FANCI: variants seen among roughly 807,000 people sequenced by gnomAD.
FANCI encodes FA complementation group I, also known as Fanconi anemia group I protein.
A neutral mutation model predicts 176.1 loss-of-function variants in FANCI; 156 were observed. The ratio of observed to expected loss-of-function variants is 0.89; its 90% CI spans 0.78 to 1.01. The LOEUF (loss-of-function observed/expected upper bound fraction) is 1.01, where lower values mean the gene tolerates loss of function less well. FANCI is among the 50% of genes least tolerant of loss of function. The probability of loss-of-function intolerance (pLI) is 0.00; values close to 1 mark genes in which losing one functional copy is unlikely to be tolerated. For synonymous variants in FANCI, 613 were observed against 541.7 expected (o/e 1.13, Z -1.83); for missense variants, 1,678 against 1,534.1 (o/e 1.09, Z -1.57).
In FANCI at chr15:89,261,270, C is replaced by CA. The variant is rs200313839; in HGVS notation, c.289-306dup. 0.015 allele frequency among the ~76,000 whole-genome samples: 2,276 copies of CA among 149,256 alleles called. 62 individuals are homozygous for CA. The highest frequency in any genetic ancestry group is 0.053 in the African/African-American group (2,175 of 40,660). Reference sequence around the variant, plus strand: ...TGGGCAGCAGAGTGAGACCCCGTCTCAAAAAAAAAGCAGATGAATGGGTTA... The same window carrying CA: ...TGGGCAGCAGAGTGAGACCCCGTCTCAAAAAAAAAAGCAGATGAATGGGTTA... On this transcript the variant is annotated intron_variant, in intron 4 of 37. Coordinates refer to ENST00000310775, the MANE Select transcript of FANCI (RefSeq NM_001113378.2).
At chr15:89,301,132 A>G (rs2054511128) in intron 26 of FANCI, among the ~76,000 whole-genome samples, 194 bp from the exon 27 acceptor site, 1 of 152,242 alleles carries the variant, frequency 6.6e-6, no homozygotes, top group Non-Finnish European at 1.5e-5. Context: ...GCATTCTCAG[A>G]GAGGTTTATG....
At chr15:89,306,399 A>C (rs1467687395) in intron 32 of FANCI, among the ~76,000 whole-genome samples, 1 of 151,278 alleles carries the variant, frequency 6.6e-6, no homozygotes, top group Non-Finnish European at 1.5e-5. Flanking sequence ...TATAATTCTA[A>C]TCTGCTTTTG....
chr15:89,295,963 T>C lies in FANCI; in HGVS notation c.2636+869T>C, dbSNP rs2151771448. ...TACTTTTTAATTTTTAATTTTAGTT[T>C]ATTTTATTTACTACTTTTTTTGGAG... On this transcript the variant is annotated intron_variant, in intron 24 of 37. Transcript: ENST00000310775. Among the ~76,000 whole-genome samples the C allele has an allele frequency of 1.3e-5, 2 of 152,030 alleles. 1 individual carries two copies. The highest frequency in any genetic ancestry group is 4.2e-4 in the South Asian group (2 of 4,802).
At chr15:89,296,290 T>A (rs1279920645) in intron 24 of FANCI, among the ~76,000 whole-genome samples, 1 of 150,512 alleles carries the variant, frequency 6.6e-6, no homozygotes, top group African/African-American at 2.4e-5. Flanking sequence ...TAATTTTCTG[T>A]AGAGATAGGA....
At chr15:89,288,294 A>C (rs117733445) in intron 18 of FANCI, among the ~76,000 whole-genome samples, 3,280 of 152,226 alleles carry the variant, frequency 0.022, 56 homozygotes, top group South Asian at 0.041. Context: ...CTTAGACTTC[A>C]TGTGTTAACT....
At chr15:89,315,504 G>A in intron 37 of FANCI, 115 bp downstream of exon 37, 1 of 745,542 alleles carries the variant, frequency 1.3e-6, no homozygotes, top group Non-Finnish European at 2.4e-6. Flanking sequence ...GCTAAAAGGT[G>A]ATCAGGCAAA....
intron 24 of FANCI, among the ~76,000 whole-genome samples, chr15:89,297,281 C>T (rs1190430374): frequency 4.0e-5 from 6 of 151,512 alleles, no homozygotes; most frequent in East Asian, 3.9e-4. Flanking sequence ...GATGGGATGG[C>T]GGCCGGGAAG....
chr15:89,315,851 G>A (rs772940832), intron 37 of FANCI, among the ~76,000 whole-genome samples: 3 of 152,168 alleles, frequency 2.0e-5, no homozygotes, highest in African/African-American at 7.2e-5. Context: ...TGACAGTACC[G>A]CATCCCCATC....
At chr15:89,301,014 G>T (rs143320457) in intron 26 of FANCI, among the ~76,000 whole-genome samples, 2 of 152,206 alleles carry the variant, frequency 1.3e-5, no homozygotes, top group Non-Finnish European at 2.9e-5. Context: ...GTCTAAGCCT[G>T]AGATCAATGG....
intron 2 of FANCI, among the ~76,000 whole-genome samples, chr15:89,249,439 C>T (rs1206050950): frequency 1.3e-5 from 2 of 152,198 alleles, no homozygotes; most frequent in Admixed American, 1.3e-4. Context: ...CCTCAACCTC[C>T]TGGGCTCATG....
At position 89,306,151 on chromosome 15, in the gene FANCI, A is replaced by C; in HGVS notation, c.3494A>C (p.Asp1165Ala). Residue 1165 changes from aspartate to alanine, a missense_variant, in exon 32 of 38, where the codon GAC becomes GCC. By Grantham distance (126) the Asp-to-Ala change is moderately radical. Coordinates refer to ENST00000310775, the MANE Select transcript of FANCI (RefSeq NM_001113378.2). The part of the protein sequence containing the change: ...SGSCVDTLLK[D>A]LCKMYTTLTA... The stretch of plus-strand genomic sequence containing the variant: ...AGCTGTGTGGACACCTTGTTAAAGG[A>C]CTTGTGCAAAATGTACACCACACTT... 2 of 1,614,188 alleles carry C rather than the reference A, an allele frequency of 1.2e-6. No individual in the cohort carries two copies. Among genetic ancestry groups the C allele is most frequent in the South Asian group, 2.2e-5 (2 of 91,082 alleles).
chr15:89,258,634 A>G (rs2052594902), intron 2 of FANCI, 70 bp from the exon 3 acceptor site: 1 of 1,134,468 alleles, frequency 8.8e-7, no homozygotes, highest in Non-Finnish European at 1.3e-6. Context: ...GTACTTTTTC[A>G]TATTGAGTGT....
chr15:89,256,401 G>A (rs1167019517), intron 2 of FANCI, among the ~76,000 whole-genome samples: 1 of 152,192 alleles, frequency 6.6e-6, no homozygotes, highest in African/African-American at 2.4e-5. Flanking sequence ...AGAGTAGTCA[G>A]ATACTTCTTT....
intron 2 of FANCI, 91 bp downstream of exon 2, chr15:89,247,822 T>G (rs1168719912): frequency 1.0e-6 from 1 of 982,456 alleles, no homozygotes; most frequent in Non-Finnish European, 1.6e-6. Context: ...TTACGCTGCT[T>G]CTTCATCTAC....
intron 2 of FANCI, among the ~76,000 whole-genome samples, chr15:89,253,326 C>T (rs1567137803): frequency 6.6e-6 from 1 of 150,916 alleles, no homozygotes; most frequent in Non-Finnish European, 1.5e-5. Flanking sequence ...CCAAATGAAT[C>T]AGAAATTTAA....
At position 89,307,675 on chromosome 15, in the gene FANCI, A is replaced by G. The variant is rs2151942001; in HGVS notation, c.3651+3A>G. 6.2e-7 allele frequency: 1 copy of G among 1,614,138 alleles called. No individual in the cohort carries two copies. Among genetic ancestry groups the G allele is most frequent in the Non-Finnish European group, 8.5e-7 (1 of 1,180,022 alleles). On this transcript the variant is annotated splice_donor_region_variant and intron_variant, in intron 34 of 37. Transcript: ENST00000310775. ...ATTCTTTCATTTCTTACGTACAGGT[A>G]AGAGATTCAGAGGCAGTACCCAATA...
At chr15:89,272,225 T>C (rs1567150937) in intron 10 of FANCI, among the ~76,000 whole-genome samples, 1 of 152,246 alleles carries the variant, frequency 6.6e-6, no homozygotes, top group Non-Finnish European at 1.5e-5. Context: ...TTTCATGTGC[T>C]CATTAACTGT....
chr15:89,273,747 C>T (rs2053297257), intron 11 of FANCI, among the ~76,000 whole-genome samples: 2 of 134,224 alleles, frequency 1.5e-5, no homozygotes, highest in Non-Finnish European at 3.5e-5. Flanking sequence ...CACACAGCCC[C>T]AGTTGGAGGA....
intron 2 of FANCI, 98 bp from the exon 3 acceptor site, chr15:89,258,606 T>C (rs1169732358): frequency 3.3e-6 from 3 of 901,422 alleles, no homozygotes; most frequent in Non-Finnish European, 5.6e-6. Context: ...CTCTGAATGA[T>C]CTGAACGTGA....
Sources: allele counts gnomAD v4.1 joint callset (sites outside exome capture counted in the v4.1 genomes callset), GRCh38; gene constraint gnomAD v4.1.1; transcripts MANE v1.5; gene names NCBI Gene and HGNC (gene_info 2026-07-23, HGNC 2026-07-21).